Variants in SERINC4 observed in about 807,000 individuals in gnomAD.
The protein encoded by SERINC4 is serine incorporator 4.
In SERINC4, 52 loss-of-function variants were observed where a neutral mutation model predicts 52.0. That is an observed-to-expected ratio of 1.00 (90% CI 0.80 to 1.26). SERINC4 has a LOEUF of 1.26. Among genes scored for constraint, SERINC4 ranks in the 50% most tolerant of loss-of-function variants. The pLI, the probability that SERINC4 is intolerant of heterozygous loss-of-function variation, is 0.00. For missense variants in SERINC4, 723 were observed against 632.8 expected (o/e 1.14, Z -1.53); for synonymous variants, 264 against 247.7 (o/e 1.07, Z -0.62).
chr15:43,797,857 C>T, intron 5 of SERINC4, 63 bp downstream of exon 5: 1 of 1,226,074 alleles, frequency 8.2e-7, no homozygotes, highest in East Asian at 2.3e-5. Context: ...TTGCCCAGCC[C>T]TTTCCATGTA....
chr15:43,794,968 A>G lies in SERINC4; in HGVS notation c.*32T>C. On this transcript the variant is annotated 3_prime_UTR_variant, in exon 12 of 12. Transcript: ENST00000319327. ...CCCTTGAGCCAACTCTAGGAGTACA[A>G]TGTCAGGGGAACCCCAGTTTGTGAA... The G allele has an allele frequency of 6.4e-7, 1 of 1,555,208 alleles. No individual in the cohort carries two copies. The highest frequency in any genetic ancestry group is 8.8e-7 in the Non-Finnish European group (1 of 1,140,162).
chr15:43,794,632 T>C lies in SERINC4; in HGVS notation c.*368A>G. Reference sequence around the variant, plus strand: ...CCCAGGGCTGAACTCCTTATTTTCCTTTCTCCAAGGGCAGAGCCGAGTCTT... The same window carrying C: ...CCCAGGGCTGAACTCCTTATTTTCCCTTCTCCAAGGGCAGAGCCGAGTCTT... On this transcript the variant is annotated 3_prime_UTR_variant, in exon 12 of 12. Coordinates refer to ENST00000319327, the MANE Select transcript of SERINC4 (RefSeq NM_001258031.2). 4.9e-6 allele frequency: 1 copy of C among 203,444 alleles called. No individual in the cohort carries two copies. The highest frequency in any genetic ancestry group is 1.0e-5 in the Non-Finnish European group (1 of 98,704). The allele number at this position is 203,444 out of a possible 1,614,324, so 12.6% of individuals were successfully genotyped here.
At chr15:43,796,287 T>C (rs2087214538) in intron 8 of SERINC4, 60 bp from the exon 9 acceptor site, 1 of 1,294,088 alleles carries the variant, frequency 7.7e-7, no homozygotes, top group African/African-American at 1.5e-5. Context: ...TGGGGGCATT[T>C]ACTACCAATT....
rs925785168 is a variant in SERINC4 at position 43,795,750 on chromosome 15, C to T, written c.1141-14G>A. ...CAGTGAGGGCTTCTGCAAAACAGAACGCAGGTTTTGGAATGGTCTTAAAAG... is the reference window on the plus strand; with the variant it reads ...CAGTGAGGGCTTCTGCAAAACAGAATGCAGGTTTTGGAATGGTCTTAAAAG... On this transcript the variant is annotated splice_polypyrimidine_tract_variant and intron_variant, in intron 9 of 11. Coordinates refer to ENST00000319327, the MANE Select transcript of SERINC4 (RefSeq NM_001258031.2). The T allele has an allele frequency of 4.3e-6, 7 of 1,612,936 alleles. No homozygotes were observed. The highest frequency in any genetic ancestry group is 1.7e-5 in the Admixed American group (1 of 59,866).
At chr15:43,797,643 G>A (rs748009469) in intron 5 of SERINC4, 11 of 506,790 alleles carry the variant, frequency 2.2e-5, no homozygotes, top group East Asian at 7.2e-5. Context: ...CACCCACCTC[G>A]GCCTCCCAAA....
Position 43,797,973 on chromosome 15 carries a change from G to A in SERINC4, c.579C>T (p.Ile193=), listed in dbSNP as rs749296329. ...CTGTAATAAGCACCAACTGCAGTAG[G>A]ATGAATGCAAAGCCTCCACAGATGC... The part of the protein sequence containing the change: ...YIGICGGFAF[I]LLQLVLITAF... Residue 193 remains isoleucine (I), a synonymous_variant, in exon 5 of 12, where the codon ATC becomes ATT. Coordinates refer to ENST00000319327, the MANE Select transcript of SERINC4 (RefSeq NM_001258031.2). 6.2e-7 allele frequency: 1 copy of A among 1,613,864 alleles called. No homozygotes were observed. The highest frequency in any genetic ancestry group is 1.7e-5 in the Admixed American group (1 of 60,014).
intron 3 of SERINC4, 148 bp downstream of exon 3, chr15:43,798,811 G>A: frequency 1.2e-6 from 1 of 811,750 alleles, no homozygotes; most frequent in Non-Finnish European, 2.0e-6. Context: ...CTGGCTCAAG[G>A]TTACACAGCA....
intron 3 of SERINC4, 54 bp from the exon 4 acceptor site, chr15:43,798,558 G>A: frequency 1.5e-6 from 2 of 1,340,680 alleles, no homozygotes; most frequent in Middle Eastern, 1.8e-4. Context: ...AAAGGACAGT[G>A]AAGAGTGCCT....
In SERINC4 at chr15:43,797,269, A is replaced by G; in HGVS notation, c.720T>C (p.Ala240=). 3 of 1,550,142 alleles carry G rather than the reference A, an allele frequency of 1.9e-6. No individual in the cohort carries two copies. The highest frequency in any genetic ancestry group is 2.6e-6 in the Non-Finnish European group (3 of 1,146,860). The change falls in exon 6 of 12, where the codon GCT becomes GCC. Residue 240 remains alanine, a synonymous_variant. Coordinates refer to ENST00000319327, the MANE Select transcript of SERINC4 (RefSeq NM_001258031.2). ...GTGTATAATAGTGGAATAGGAGCAC[A>G]GCTCCCACACCTGCCATGCTGTAGA... ...LGFYSMAGVG[A]VLLFHYYTHP...
chr15:43,797,172 G>C lies in SERINC4; in HGVS notation c.817C>G (p.Leu273Val). Reference protein sequence around the residue: ...HLCFCGLISFLSIAPCIRLKQ... With the variant: ...HLCFCGLISFVSIAPCIRLKQ... ...AGGCGGATGCAAGGAGCGATGGAGA[G>C]GAAGGAGATGAGGCCACAGAAGCAA... Residue 273 changes from leucine (L) to valine (V), a missense_variant, in exon 6 of 12, where the codon CTC (leucine) becomes GTC (valine). Physicochemically the swap from Leu to Val is conservative, Grantham distance 32. Coordinates refer to ENST00000319327, the MANE Select transcript of SERINC4 (RefSeq NM_001258031.2). The C allele has an allele frequency of 1.3e-6, 2 of 1,551,280 alleles. No individual in the cohort carries two copies. The highest frequency in any genetic ancestry group is 1.7e-6 in the Non-Finnish European group (2 of 1,147,064).
rs200607891 is a variant in SERINC4 at position 43,796,217 on chromosome 15, A to C, written c.1078T>G (p.Ser360Ala). 1 of 1,613,428 alleles carries C rather than the reference A, an allele frequency of 6.2e-7. No homozygotes were observed. The highest frequency in any genetic ancestry group is 1.3e-5 in the African/African-American group (1 of 74,992). The change falls in exon 9 of 12, where the codon TCC becomes GCC. Residue 360 changes from serine (S) to alanine (A), a missense_variant. Transcript: ENST00000319327. ...ACVLFACNEA[S>A]YLAEVFGPLW... is the part of the protein sequence containing the mutation. ...GGTCCAAATACCTCAGCCAGGTAGG[A>C]GGCCTCATTGCTGAGAAAGAATAGA... is the stretch of plus-strand genomic sequence containing the variant.
Position 43,799,011 on chromosome 15 carries a change from A to G in SERINC4, c.406T>C (p.Leu136=), listed in dbSNP as rs1458537347. 1 of 1,550,492 alleles carries G rather than the reference A, an allele frequency of 6.4e-7. No homozygotes were observed. The highest frequency in any genetic ancestry group is 2.0e-5 in the Admixed American group (1 of 50,982). Residue 136 remains leucine (L), a synonymous_variant, in exon 3 of 12, where the codon TTG becomes CTG. Transcript: ENST00000319327. The stretch of plus-strand genomic sequence containing the variant: ...GTGGGGGAGTGGAGGTGGACCAGCA[A>G]CACAGCCTGCAGCAGGTGGAAGGTG... ...TATFHLLQAV[L]LVHLHSPTSP...
intron 10 of SERINC4, 51 bp downstream of exon 10, chr15:43,795,637 G>T (rs2087195393): frequency 1.9e-6 from 3 of 1,609,114 alleles, no homozygotes; most frequent in Non-Finnish European, 2.5e-6. Context: ...GGGTTCTTAT[G>T]GCACTCCACA....
Position 43,794,267 on chromosome 15 carries a change from T to A in SERINC4, c.*733A>T, listed in dbSNP as rs2087148714. ...CTAAGAACCATAGAGACTTCTTTTC[T>A]GTGATTTTTGTTCCCCACCCTTGAA... On this transcript the variant is annotated 3_prime_UTR_variant, in exon 12 of 12. Transcript: ENST00000319327. The A allele has an allele frequency of 9.2e-6, 3 of 326,776 alleles. No individual in the cohort carries two copies. In the East Asian group the frequency reaches 1.6e-4, roughly 17 times the overall value. The allele number at this position is 326,776 out of a possible 1,614,324, so 20.2% of individuals were successfully genotyped here.
Position 43,795,457 on chromosome 15 carries a change from T to TA in SERINC4, c.1273dup (p.Tyr425LeufsTer26). On this transcript the variant is annotated frameshift_variant, in exon 11 of 12. Coordinates refer to ENST00000319327, the MANE Select transcript of SERINC4 (RefSeq NM_001258031.2). LOFTEE classifies it high-confidence loss of function. ...GAAGAAGACGAAGTGGAAGGCAGAATAGTTGTAGGAAAGATGCTGGACTTG... is the reference window on the plus strand; with the variant it reads ...GAAGAAGACGAAGTGGAAGGCAGAATAAGTTGTAGGAAAGATGCTGGACTTG... The TA allele has an allele frequency of 6.2e-7, 1 of 1,614,152 alleles. No homozygotes were observed. Among genetic ancestry groups the TA allele is most frequent in the Non-Finnish European group, 8.5e-7 (1 of 1,180,026 alleles).
chr15:43,798,731 GT>G (rs2087260091), intron 3 of SERINC4: 2 of 626,600 alleles, frequency 3.2e-6, no homozygotes, highest in African/African-American at 3.7e-5. Context: ...ATGTTTTACA[GT>G]TTATAAAGGA....
At chr15:43,796,464 C>G (rs1330289487) in intron 8 of SERINC4, 152 bp downstream of exon 8, 7 of 849,988 alleles carry the variant, frequency 8.2e-6, no homozygotes, top group Non-Finnish European at 1.1e-5. Flanking sequence ...TGACAAAGTA[C>G]TATTCTTAGA....
Position 43,795,170 on chromosome 15 carries a change from A to C in SERINC4, c.1387T>G (p.Trp463Gly). The C allele has an allele frequency of 2.5e-6, 4 of 1,614,172 alleles. No individual in the cohort carries two copies. Among genetic ancestry groups the C allele is most frequent in the Non-Finnish European group, 3.4e-6 (4 of 1,180,032 alleles). Residue 463 changes from tryptophan to glycine, a missense_variant, in exon 12 of 12, where the codon TGG becomes GGG. Trp to Gly is a radical substitution (Grantham distance 184). Transcript: ENST00000319327. ...GCAACCTTGACCCAGAAGGTGGCCC[A>C]GCTACCCTTGATGAAGGTCTTTTCC... ...ELEKTFIKGSWATFWVKVASC... is the reference protein window; with the variant it reads ...ELEKTFIKGSGATFWVKVASC...
rs759771802 is a variant in SERINC4, at chr15:43,798,932, C to T, written c.458+27G>A. ...ATGTCTACTTTCCCTCCTCTGTCCCCTCCCCACCCAGAAAGTACACACAAA... is the reference window on the plus strand; with the variant it reads ...ATGTCTACTTTCCCTCCTCTGTCCCTTCCCCACCCAGAAAGTACACACAAA... On this transcript the variant is annotated intron_variant, in intron 3 of 11. Transcript: ENST00000319327. 91 of 1,549,524 alleles carry T rather than the reference C, an allele frequency of 5.9e-5. No individual in the cohort carries two copies. The African/African-American group carries it at 8.9e-4, about 15-fold the overall frequency.
Sources: allele counts gnomAD v4.1 joint callset, GRCh38; gene constraint gnomAD v4.1.1; transcripts MANE v1.5; gene names NCBI Gene and HGNC (gene_info 2026-07-23, HGNC 2026-07-21).